RABEP1: variants seen among roughly 807,000 people sequenced by gnomAD.
RABEP1 encodes the protein rabaptin, RAB GTPase binding effector protein 1, also known as rab GTPase-binding effector protein 1.
A neutral mutation model predicts 123.4 loss-of-function variants in RABEP1; 51 were observed. The ratio of observed to expected loss-of-function variants is 0.41; its 90% CI spans 0.33 to 0.52. RABEP1 has a LOEUF of 0.52. Ranked by LOEUF, RABEP1 falls within the 20% of genes least tolerant of loss-of-function variation. The probability of loss-of-function intolerance (pLI) is 0.16; values close to 1 mark genes in which losing one functional copy is unlikely to be tolerated. For missense variants in RABEP1, 888 were observed against 996.3 expected, an observed-to-expected ratio of 0.89 and a Z score of 1.46; for synonymous variants, 347 against 355.2, an observed-to-expected ratio of 0.98 and a Z score of 0.26.
intron 1 of RABEP1, among the ~76,000 whole-genome samples, chr17:5,298,942 A>G (rs1406902072): frequency 2.0e-5 from 3 of 151,622 alleles, no homozygotes; most frequent in Non-Finnish European, 4.4e-5. Context: ...GGCGTGAGCC[A>G]CTGTGCCCGG....
intron 1 of RABEP1, among the ~76,000 whole-genome samples, chr17:5,304,039 A>G (rs577380159): frequency 7.6e-6 from 1 of 131,590 alleles, no homozygotes; most frequent in Non-Finnish European, 1.8e-5. Context: ...CATCTCAAAA[A>G]AAAAAAATAA....
chr17:5,341,491 T>C (rs192775520), intron 5 of RABEP1, among the ~76,000 whole-genome samples: 8 of 152,286 alleles, frequency 5.3e-5, no homozygotes, highest in East Asian at 1.9e-4. Context: ...CCAAAAGATA[T>C]TAAACTGTTG....
intron 11 of RABEP1, among the ~76,000 whole-genome samples, chr17:5,367,245 T>TATACACAC (rs1555525066): frequency 2.4e-4 from 35 of 147,666 alleles, no homozygotes; most frequent in African/African-American, 8.5e-4. Flanking sequence ...AGAACTTAGA[T>TATACACAC]ACACACACAC....
chr17:5,331,082 A>G (rs1205292248), intron 2 of RABEP1, among the ~76,000 whole-genome samples: 2 of 144,290 alleles, frequency 1.4e-5, no homozygotes, highest in Non-Finnish European at 3.0e-5. Context: ...TGACTGGGAA[A>G]AGTTTTGTAA....
chr17:5,360,869 G>C (rs1292837995), intron 8 of RABEP1: 2 of 263,366 alleles, frequency 7.6e-6, no homozygotes, highest in Non-Finnish European at 7.3e-6. Flanking sequence ...TCAACTGTTC[G>C]TATTTGGGAG....
chr17:5,320,880 A>G (rs1318695753), intron 2 of RABEP1, among the ~76,000 whole-genome samples: 1 of 152,222 alleles, frequency 6.6e-6, no homozygotes, highest in Non-Finnish European at 1.5e-5. Flanking sequence ...CCAGAAAACA[A>G]GCAATAAAAT....
intron 1 of RABEP1, among the ~76,000 whole-genome samples, chr17:5,293,286 TC>T (rs1336305042): frequency 6.6e-6 from 1 of 150,888 alleles, no homozygotes; most frequent in Non-Finnish European, 1.5e-5. Context: ...AAACTCTGTC[TC>T]CCCCCTCAAA....
intron 2 of RABEP1, among the ~76,000 whole-genome samples, chr17:5,310,832 C>G (rs145549724): frequency 3.1e-3 from 448 of 144,894 alleles, no homozygotes; most frequent in Non-Finnish European, 4.5e-3. Flanking sequence ...TTTTTTGAGA[C>G]CGAGTCTCGC....
chr17:5,369,078 C>T (rs1910324836), intron 12 of RABEP1, among the ~76,000 whole-genome samples: 2 of 152,034 alleles, frequency 1.3e-5, no homozygotes, highest in Admixed American at 1.3e-4. Flanking sequence ...CACTGCACTC[C>T]AGCCTGGGTG....
At chr17:5,376,442 T>TA (rs1911000617) in intron 13 of RABEP1, among the ~76,000 whole-genome samples, 1 of 152,238 alleles carries the variant, frequency 6.6e-6, no homozygotes, top group Non-Finnish European at 1.5e-5. Flanking sequence ...AACTGTTGTT[T>TA]TATATATATT....
intron 1 of RABEP1, among the ~76,000 whole-genome samples, chr17:5,300,317 G>A (rs1038851621): frequency 6.6e-6 from 1 of 152,184 alleles, no homozygotes; most frequent in East Asian, 1.9e-4. Flanking sequence ...CAGGTATTTT[G>A]CAGAATGTCC....
At chr17:5,308,843 C>T (rs1176927087) in intron 2 of RABEP1, 21 bp downstream of exon 2, 3 of 1,575,146 alleles carry the variant, frequency 1.9e-6, no homozygotes, top group Non-Finnish European at 2.6e-6. Flanking sequence ...AAGTCTCGCA[C>T]CAACTTCAAT....
At chr17:5,375,566 C>A (rs1910921281) in intron 13 of RABEP1, among the ~76,000 whole-genome samples, 2 of 152,064 alleles carry the variant, frequency 1.3e-5, no homozygotes. Flanking sequence ...GATGGTGGCA[C>A]ACACTTGTAG....
intron 12 of RABEP1, among the ~76,000 whole-genome samples, chr17:5,370,868 G>A (rs1268174331): frequency 1.3e-5 from 2 of 151,930 alleles, no homozygotes; most frequent in Non-Finnish European, 2.9e-5. Context: ...CTGTATCTCA[G>A]ATAAGGGTTT....
At position 5,386,001 on chromosome 17, in the gene RABEP1, C is replaced by G. The variant is rs1911926853; in HGVS notation, c.*2778C>G. On this transcript the variant is annotated 3_prime_UTR_variant, in exon 18 of 18. Coordinates refer to ENST00000537505, the MANE Select transcript of RABEP1 (RefSeq NM_004703.6). ...AATCCTGAGTCCTTGCTGAACACAA[C>G]TGTAGGCTTGAGTTATAAAGCACAT... 3 of 520,640 alleles carry G rather than the reference C, an allele frequency of 5.8e-6. No homozygotes were observed. Among genetic ancestry groups the G allele is most frequent in the Non-Finnish European group, 1.0e-5 (3 of 298,408 alleles). The allele number at this position is 520,640 out of a possible 1,614,324, so 32.3% of individuals were successfully genotyped here.
At chr17:5,316,399 G>A (rs1597347951) in intron 2 of RABEP1, among the ~76,000 whole-genome samples, 1 of 121,388 alleles carries the variant, frequency 8.2e-6, no homozygotes, top group African/African-American at 3.1e-5. Flanking sequence ...GCAGTGAGCC[G>A]AGATCTTGCC....
intron 2 of RABEP1, among the ~76,000 whole-genome samples, chr17:5,323,770 ATATCTAGGAATATATATATATATC>A (rs1905653122): frequency 1.6e-5 from 2 of 125,588 alleles, no homozygotes; most frequent in Non-Finnish European, 1.6e-5. Flanking sequence ...ATATATATAT[ATATCTAGGAATATATATATATATC>A]TAGGAATATA....
At chr17:5,290,780 GAGAGTGGGTTTC>G (rs1283028052) in intron 1 of RABEP1, among the ~76,000 whole-genome samples, 1 of 152,000 alleles carries the variant, frequency 6.6e-6, no homozygotes, top group Non-Finnish European at 1.5e-5. Context: ...AGTTTTAGTA[GAGAGTGGGTTTC>G]AACATGTTGC....
intron 5 of RABEP1, 155 bp downstream of exon 5, chr17:5,338,293 G>A (rs1165789942): frequency 6.3e-6 from 6 of 946,570 alleles, no homozygotes; most frequent in African/African-American, 1.7e-5. Context: ...CGGGCGAGGT[G>A]GCTCACGCCT....
Sources: gnomAD v4.1 joint callset for allele counts (sites outside exome capture counted in the v4.1 genomes callset) on GRCh38, gnomAD v4.1.1 for gene constraint, MANE v1.5 for transcripts, NCBI Gene and HGNC (gene_info 2026-07-23, HGNC 2026-07-21) for gene names.